The following SYNCRIP variants were observed in gnomAD, a reference collection of about 807,000 sequenced individuals.
The protein encoded by SYNCRIP is heterogeneous nuclear ribonucleoprotein Q.
A neutral mutation model predicts 68.9 loss-of-function variants in SYNCRIP; 9 were observed. The observed-to-expected ratio is 0.13, with a 90% CI of 0.08 to 0.23. SYNCRIP has a LOEUF of 0.23. SYNCRIP is among the 10% of genes least tolerant of loss of function. SYNCRIP has a pLI of 1.00. For missense variants in SYNCRIP, 414 were observed against 770.6 expected (o/e 0.54, Z 5.48); for synonymous variants, 258 against 254.0 (o/e 1.02, Z -0.15).
intron 6 of SYNCRIP, among the ~76,000 whole-genome samples, chr6:85,636,109 A>G (rs975382314): frequency 6.6e-6 from 1 of 152,152 alleles, no homozygotes; most frequent in African/African-American, 2.4e-5. Flanking sequence ...ACTTAATAAA[A>G]CTAGTTTAAA....
chr6:85,638,380 CAAAAAAAAAAAAA>C (rs71003001), intron 4 of SYNCRIP, among the ~76,000 whole-genome samples: 16 of 42,852 alleles, frequency 3.7e-4, no homozygotes, highest in East Asian at 3.5e-3. Context: ...GACCCCATCT[CAAAAAAAAAAAAA>C]AAAAAAAAAA....
chr6:85,640,652 C>A, intron 2 of SYNCRIP, 88 bp from the exon 3 acceptor site: 1 of 718,806 alleles, frequency 1.4e-6, no homozygotes, highest in East Asian at 2.8e-5. Context: ...TACATGTGTG[C>A]CTTTACAATT....
intron 4 of SYNCRIP, 58 bp downstream of exon 4, chr6:85,640,163 C>T: frequency 8.2e-7 from 1 of 1,222,000 alleles, no homozygotes; most frequent in South Asian, 1.3e-5. Context: ...GAATATTTAC[C>T]AAAATTAGGA....
intron 1 of SYNCRIP, among the ~76,000 whole-genome samples, chr6:85,642,243 T>C (rs977212766): frequency 1.5e-4 from 23 of 151,824 alleles, no homozygotes; most frequent in African/African-American, 4.4e-4. Context: ...CCGTGACACA[T>C]GGCTCTCCGC....
At chr6:85,618,684 A>T in intron 10 of SYNCRIP, 134 bp downstream of exon 10, 1 of 673,426 alleles carries the variant, frequency 1.5e-6, no homozygotes, top group Non-Finnish European at 2.4e-6. Flanking sequence ...GTGTTTCCCT[A>T]TGACTCTCAA....
In SYNCRIP at chr6:85,624,067, T is replaced by C; in HGVS notation, c.712A>G (p.Ile238Val). Reference protein sequence around the residue: ...IRSGKHIGVCISVANNRLFVG... With the variant: ...IRSGKHIGVCVSVANNRLFVG... ...AAAAGCCTATTGTTGGCAACTGAGA[T>C]GCAGACACCAATATGTTTTCCAGAA... The change falls in exon 7 of 11, where the codon ATC becomes GTC. Residue 238 changes from isoleucine to valine, a missense_variant. Coordinates refer to ENST00000369622, the MANE Select transcript of SYNCRIP (RefSeq NM_006372.5). The C allele has an allele frequency of 6.2e-7, 1 of 1,613,928 alleles. No individual in the cohort carries two copies. Among genetic ancestry groups the C allele is most frequent in the Non-Finnish European group, 8.5e-7 (1 of 1,179,882 alleles).
chr6:85,638,360 G>A (rs1206830814), intron 4 of SYNCRIP, among the ~76,000 whole-genome samples: 5 of 106,436 alleles, frequency 4.7e-5, no homozygotes, highest in East Asian at 6.4e-4. Context: ...CAGCCTGGAT[G>A]ACAGAGCAAG....
chr6:85,635,894 A>G (rs975494883), intron 6 of SYNCRIP, among the ~76,000 whole-genome samples: 5 of 146,796 alleles, frequency 3.4e-5, no homozygotes, highest in African/African-American at 5.3e-5. Context: ...GGAGGGAGGG[A>G]AAAAAAAATG....
chr6:85,619,005 G>A (rs1001101940), intron 9 of SYNCRIP, 66 bp from the exon 10 acceptor site: 3 of 1,486,790 alleles, frequency 2.0e-6, no homozygotes, highest in Non-Finnish European at 1.8e-6. Flanking sequence ...ATTTAAAGTT[G>A]GAATATCATT....
rs1428782427 is a variant in SYNCRIP at position 85,639,726 on chromosome 6, C to T, written c.375+495G>A. Among the ~76,000 whole-genome samples the T allele has an allele frequency of 4.6e-5, 7 of 152,278 alleles. No homozygotes were observed. The East Asian group carries it at 1.2e-3, about 25-fold the overall frequency. Reference sequence around the variant, plus strand: ...TAAACCAAAAAAAAAGCCTCCTCCTCCTAGCCTCAGTTTCTCATCTACATA... The same window carrying T: ...TAAACCAAAAAAAAAGCCTCCTCCTTCTAGCCTCAGTTTCTCATCTACATA... On this transcript the variant is annotated intron_variant, in intron 4 of 10. Transcript: ENST00000369622.
At chr6:85,613,689 T>C (rs1273207987), downstream of SYNCRIP, among the ~76,000 whole-genome samples, 1 of 152,242 alleles carries the variant, frequency 6.6e-6, no homozygotes, top group Non-Finnish European at 1.5e-5. Flanking sequence ...TTATTTTTAA[T>C]TAGGTAAGTA....
intron 6 of SYNCRIP, 51 bp downstream of exon 6, chr6:85,636,916 A>G (rs540617680): frequency 4.5e-5 from 68 of 1,520,830 alleles, no homozygotes; most frequent in Non-Finnish European, 5.4e-5. Flanking sequence ...AAAAAACTTG[A>G]TATTAAAGAC....
chr6:85,623,579 A>AAAAAAACAAAAAAAAAAAAC (rs1554184894), intron 7 of SYNCRIP, among the ~76,000 whole-genome samples: 2,019 of 124,742 alleles, frequency 0.016, 61 homozygotes, highest in East Asian at 0.034. Context: ...AAAAAAAAAA[A>AAAAAAACAAAAAAAAAAAAC]AAAACACTCT....
chr6:85,640,267 G>C lies in SYNCRIP; in HGVS notation c.329C>G (p.Thr110Ser), dbSNP rs1231617332. The change falls in exon 4 of 11, where the codon ACC becomes AGC. Residue 110 changes from threonine (T) to serine (S), a missense_variant. This residue lies in a region of SYNCRIP where 110 missense variants were observed against 269.3 expected (regional missense o/e 0.41). Transcript: ENST00000369622. ...TCCTTTACTAGAATCTGCTACTTTG[G>C]TCCCTTGTTTTTCTCTCTGCCTGTA... Reference protein sequence around the residue: ...KTYRQREKQGTKVADSSKGPD... With the variant: ...KTYRQREKQGSKVADSSKGPD... The C allele has an allele frequency of 2.5e-6, 4 of 1,613,674 alleles. No individual in the cohort carries two copies. The highest frequency in any genetic ancestry group is 3.4e-6 in the Non-Finnish European group (4 of 1,179,860).
In SYNCRIP at chr6:85,623,573, A is replaced by AAAAAAAAAAAAC. The variant is rs1562087709; in HGVS notation, c.802+403_802+404insGTTTTTTTTTTT. ...AGCAAGACTGTCTCCAAAAAAAAAAAAAAAAAAAAACACTCTGCTACGGCA... is the reference window on the plus strand; with the variant it reads ...AGCAAGACTGTCTCCAAAAAAAAAAAAAAAAAAAAAACAAAAAAAAAACACTCTGCTACGGCA... On this transcript the variant is annotated intron_variant, in intron 7 of 10. Coordinates refer to ENST00000369622, the MANE Select transcript of SYNCRIP (RefSeq NM_006372.5). Among the ~76,000 whole-genome samples the AAAAAAAAAAAAC allele has an allele frequency of 2.0e-5, 3 of 149,640 alleles. No individual in the cohort carries two copies. In the East Asian group the frequency reaches 6.1e-4, roughly 30 times the overall value.
intron 6 of SYNCRIP, among the ~76,000 whole-genome samples, chr6:85,627,237 C>T (rs1259183687): frequency 6.9e-6 from 1 of 143,990 alleles, no homozygotes; most frequent in African/African-American, 2.6e-5. Context: ...CACTGCACTC[C>T]AGCCTGGGCA....
downstream of SYNCRIP, chr6:85,609,282 T>C (rs563544665): frequency 1.8e-4 from 28 of 152,050 alleles, no homozygotes; most frequent in African/African-American, 4.8e-4. Flanking sequence ...TACTCTGTAA[T>C]AATAAGGGAT....
chr6:85,636,500 A>C (rs972302663), intron 6 of SYNCRIP, among the ~76,000 whole-genome samples: 7 of 152,178 alleles, frequency 4.6e-5, no homozygotes, highest in Non-Finnish European at 8.8e-5. Context: ...AAAGATTACC[A>C]GGTCCTTACC....
chr6:85,640,420 A>C (rs759519576), intron 3 of SYNCRIP, 26 bp downstream of exon 3: 11 of 1,585,954 alleles, frequency 6.9e-6, no homozygotes, highest in South Asian at 6.8e-5. Flanking sequence ...CAAATTTTTT[A>C]ATTTTCACAT....
Sources: allele counts gnomAD v4.1 joint callset (sites outside exome capture counted in the v4.1 genomes callset), GRCh38; gene constraint gnomAD v4.1.1; regional missense constraint gnomAD v4.1.1; transcripts MANE v1.5; gene names NCBI Gene and HGNC (gene_info 2026-07-23, HGNC 2026-07-21).